Variants in KY observed in about 807,000 individuals in gnomAD.
KY encodes the protein kyphoscoliosis peptidase.
KY carries 43 observed loss-of-function variants against 76.1 expected under a neutral mutation model. That is an observed-to-expected ratio of 0.57 (90% CI 0.44 to 0.73). The LOEUF is 0.73. Ranked by LOEUF, KY falls within the 30% of genes least tolerant of loss-of-function variation. The probability of loss-of-function intolerance (pLI) is 0.00; values close to 1 mark genes in which losing one functional copy is unlikely to be tolerated. For missense variants in KY, 722 were observed against 828.9 expected (o/e 0.87, Z 1.58); for synonymous variants, 277 against 326.2 (o/e 0.85, Z 1.63).
chr3:134,607,483 G>A lies in KY; in HGVS notation c.1090+1166C>T, dbSNP rs79520053. 1.3e-3 allele frequency: 1,291 copies of A among 985,638 alleles called. 27 individuals carry two copies. In the East Asian group the frequency reaches 0.069, roughly 52 times the overall value. The allele number at this position is 985,638 out of a possible 1,614,324, so 61.1% of individuals were successfully genotyped here. A position where few individuals can be genotyped will look rare whatever the true frequency, so the allele number is the denominator to read the frequency against. The stretch of plus-strand genomic sequence containing the variant: ...GACCTCCTGTCCTGGGCGGATGGAG[G>A]CCCCAGTGGCAGAGACGGTGCCACC... On this transcript the variant is annotated intron_variant, in intron 10 of 10. Transcript: ENST00000423778.
intron 8 of KY, among the ~76,000 whole-genome samples, chr3:134,617,630 A>G (rs1174061086): frequency 6.6e-6 from 1 of 152,198 alleles, no homozygotes; most frequent in Non-Finnish European, 1.5e-5. Context: ...CATTTTATAA[A>G]CCATCTACAA....
intron 10 of KY, among the ~76,000 whole-genome samples, chr3:134,605,782 G>A (rs1959184923): frequency 1.3e-5 from 2 of 151,964 alleles, no homozygotes; most frequent in African/African-American, 4.8e-5. Flanking sequence ...AGACCTTGGA[G>A]GACCTAGGCT....
intron 8 of KY, 79 bp from the exon 9 acceptor site, chr3:134,610,462 G>A (rs778014223): frequency 7.0e-5 from 91 of 1,296,250 alleles, no homozygotes; most frequent in Non-Finnish European, 9.2e-5. Flanking sequence ...TCAGGTTTCA[G>A]GCATGTTTGC....
chr3:134,608,862 A>G, intron 9 of KY, 23 bp from the exon 10 acceptor site: 1 of 1,592,706 alleles, frequency 6.3e-7, no homozygotes, highest in East Asian at 2.2e-5. Context: ...CAAGCTGGTT[A>G]GCAGCCAGCT....
chr3:134,642,439 C>A (rs1965880600), intron 3 of KY, among the ~76,000 whole-genome samples: 1 of 152,184 alleles, frequency 6.6e-6, no homozygotes, highest in South Asian at 2.1e-4. Context: ...AGCAGTTAAC[C>A]AAGGTGGGCG....
intron 2 of KY, 27 bp from the exon 3 acceptor site, chr3:134,643,405 C>G: frequency 6.2e-7 from 1 of 1,602,486 alleles, no homozygotes; most frequent in Middle Eastern, 1.7e-4. Flanking sequence ...GAGAGGCCTG[C>G]AGTGACCACT....
intron 5 of KY, among the ~76,000 whole-genome samples, chr3:134,626,728 T>A (rs1963502339): frequency 6.6e-6 from 1 of 152,208 alleles, no homozygotes; most frequent in African/African-American, 2.4e-5. Flanking sequence ...TGAGAGGCAA[T>A]GCCCACTTAT....
intron 10 of KY, chr3:134,608,396 T>C: frequency 1.4e-6 from 2 of 1,443,370 alleles, no homozygotes; most frequent in Non-Finnish European, 1.8e-6. Context: ...ACACATCCCT[T>C]TCTGGGTTTA....
At chr3:134,605,908 C>G (rs944814840) in intron 10 of KY, among the ~76,000 whole-genome samples, 1 of 152,218 alleles carries the variant, frequency 6.6e-6, no homozygotes, top group African/African-American at 2.4e-5. Context: ...ATTGCTTCCC[C>G]TTCTGTTACA....
intron 8 of KY, among the ~76,000 whole-genome samples, chr3:134,610,882 GGT>G (rs1162916030): frequency 6.6e-6 from 1 of 152,210 alleles, no homozygotes; most frequent in African/African-American, 2.4e-5. Context: ...ACATGGGTGA[GGT>G]GTTGTGGGGT....
intron 3 of KY, among the ~76,000 whole-genome samples, chr3:134,632,463 G>A (rs1964361347): frequency 6.6e-6 from 1 of 151,902 alleles, no homozygotes; most frequent in Non-Finnish European, 1.5e-5. Context: ...AAAGCAACTG[G>A]AAAATGTCCA....
intron 4 of KY, chr3:134,629,260 C>T (rs1963901092): frequency 4.3e-6 from 1 of 233,020 alleles, no homozygotes; most frequent in African/African-American, 2.2e-5. Context: ...TATTAGTATA[C>T]ATCAAAAGGT....
intron 4 of KY, 78 bp downstream of exon 4, chr3:134,629,543 G>T: frequency 9.1e-7 from 1 of 1,096,962 alleles, no homozygotes; most frequent in African/African-American, 1.6e-5. Flanking sequence ...GAAGATGCTT[G>T]GGCTGGGATC....
In KY at chr3:134,620,865, G is replaced by A. The variant is rs1962481155; in HGVS notation, c.484-8C>T. 2.5e-6 allele frequency: 4 copies of A among 1,586,850 alleles called. No homozygotes were observed. The highest frequency in any genetic ancestry group is 1.7e-5 in the Admixed American group (1 of 58,886). On this transcript the variant is annotated splice_polypyrimidine_tract_variant and splice_region_variant and intron_variant, in intron 6 of 10. Transcript: ENST00000423778. ...GCCACTCTTGGCTGTCACCTGGGGA[G>A]CAGGAAGGGTGTGCTGTATTAGGGC...
rs1413507652 is a variant in KY at position 134,599,948 on chromosome 3, A to G, written c.*3631T>C. 2.0e-5 allele frequency among the ~76,000 whole-genome samples: 3 copies of G among 152,236 alleles called. No homozygotes were observed. Among genetic ancestry groups the G allele is most frequent in the Non-Finnish European group, 4.4e-5 (3 of 68,044 alleles). ...TTGGATAAAAATGAATATAAATTTT[A>G]TTGAAAAACAACACCAGCAACAACA... is the stretch of plus-strand genomic sequence containing the variant. On this transcript the variant is annotated 3_prime_UTR_variant, in exon 11 of 11. Transcript: ENST00000423778.
rs1177162387 is a variant in KY at position 134,610,175 on chromosome 3, G to A, written c.899+20C>T. 6.2e-7 allele frequency: 1 copy of A among 1,604,674 alleles called. No individual in the cohort carries two copies. The highest frequency in any genetic ancestry group is 8.5e-7 in the Non-Finnish European group (1 of 1,174,502). Reference sequence around the variant, plus strand: ...ACTTCCACCTGCCAGACGCCCAGCAGAACTGAGACAAGTACTTACAGGAAG... The same window carrying A: ...ACTTCCACCTGCCAGACGCCCAGCAAAACTGAGACAAGTACTTACAGGAAG... On this transcript the variant is annotated intron_variant, in intron 9 of 10. Coordinates refer to ENST00000423778, the MANE Select transcript of KY (RefSeq NM_178554.6).
intron 7 of KY, 29 bp downstream of exon 7, chr3:134,620,720 A>C: frequency 6.5e-7 from 1 of 1,526,990 alleles, no homozygotes; most frequent in Non-Finnish European, 9.1e-7. Context: ...AAGGGATTCT[A>C]GAGCCAGAAA....
Position 134,626,457 on chromosome 3 carries a change from G to A in KY, c.400+1299C>T, listed in dbSNP as rs986601991. ...GAGCATATCATGTTGTGATGTTAGC[G>A]TCACACTGCTCTCTGGGAGGGTGCA... is the stretch of plus-strand genomic sequence containing the variant. On this transcript the variant is annotated intron_variant, in intron 5 of 10. Coordinates refer to ENST00000423778, the MANE Select transcript of KY (RefSeq NM_178554.6). Among the ~76,000 whole-genome samples, 11 of 152,302 alleles carry A rather than the reference G, an allele frequency of 7.2e-5. No homozygotes were observed. The South Asian group carries it at 8.3e-4, about 11-fold the overall frequency.
rs1302361815 is a variant in KY, at chr3:134,610,302, C to G, written c.792G>C (p.Glu264Asp). The G allele has an allele frequency of 4.3e-6, 7 of 1,613,874 alleles. No homozygotes were observed. Among genetic ancestry groups the G allele is most frequent in the Non-Finnish European group, 5.9e-6 (7 of 1,179,870 alleles). Residue 264 changes from glutamate (E) to aspartate (D), a missense_variant, in exon 9 of 11, where the codon GAG (glutamate) becomes GAC (aspartate). Glu to Asp is a conservative substitution (Grantham distance 45). This residue lies in a region of KY where 552 missense variants were observed against 680.9 expected (regional missense o/e 0.81). Transcript: ENST00000423778. ...ACACAGCATTCCAGGCATGGTCAAA[C>G]TCCCCCGAGAAGCTCTGCCCTGTCT... ...GYQTGQSFSGEFDHAWNAVYL... is the reference protein window; with the variant it reads ...GYQTGQSFSGDFDHAWNAVYL...
Sources: allele counts gnomAD v4.1 joint callset (sites outside exome capture counted in the v4.1 genomes callset), GRCh38; gene constraint gnomAD v4.1.1; regional missense constraint gnomAD v4.1.1; transcripts MANE v1.5; gene names NCBI Gene and HGNC (gene_info 2026-07-23, HGNC 2026-07-21).